The following TMEM132D variants were observed in gnomAD, a reference collection of about 807,000 sequenced individuals.
TMEM132D encodes transmembrane protein 132D, also known as mature OL transmembrane protein.
In TMEM132D, 21 loss-of-function variants were observed where a neutral mutation model predicts 62.3. That is an observed-to-expected ratio of 0.34 (90% CI 0.24 to 0.49). The LOEUF is 0.49. Among genes scored for constraint, TMEM132D ranks in the 20% least tolerant of loss-of-function variants. The pLI, the probability that TMEM132D is intolerant of heterozygous loss-of-function variation, is 0.99. For synonymous variants in TMEM132D, 621 were observed against 575.6 expected (o/e 1.08, Z -1.13); for missense variants, 1,346 against 1,402.8 (o/e 0.96, Z 0.65).
chr12:129,610,709 A>G (rs1234545706), intron 2 of TMEM132D, among the ~76,000 whole-genome samples: 3 of 152,002 alleles, frequency 2.0e-5, no homozygotes, highest in Non-Finnish European at 4.4e-5. Context: ...TCCTTGAATT[A>G]CAAGCAAGTA....
In TMEM132D at chr12:129,269,407, C is replaced by T. The variant is rs549025045; in HGVS notation, c.1300-59744G>A. ...TGCCTTCTCCTTTCCCTTCCCCTTC[C>T]CTTCCTTCTTCCTTCCTTCCATCTC... is the stretch of plus-strand genomic sequence containing the variant. On this transcript the variant is annotated intron_variant, in intron 4 of 8. Transcript: ENST00000422113. Among the ~76,000 whole-genome samples, 4 of 151,534 alleles carry T rather than the reference C, an allele frequency of 2.6e-5. No homozygotes were observed. The South Asian group carries it at 8.3e-4, about 32-fold the overall frequency.
intron 3 of TMEM132D, among the ~76,000 whole-genome samples, chr12:129,424,377 AT>A (rs1397191987): frequency 6.6e-6 from 1 of 151,920 alleles, no homozygotes; most frequent in Non-Finnish European, 1.5e-5. Flanking sequence ...CTTCTCCATG[AT>A]TTTTGCTTAG....
chr12:129,795,145 A>G (rs1871526783), intron 1 of TMEM132D, among the ~76,000 whole-genome samples: 1 of 152,218 alleles, frequency 6.6e-6, no homozygotes, highest in African/African-American at 2.4e-5. Flanking sequence ...ACTTAACATG[A>G]TACTCCATTT....
rs1877221095 is a variant in TMEM132D at position 129,155,732 on chromosome 12, C to A, written c.1443+53788G>T. Reference sequence around the variant, plus strand: ...CTGGATGCATCCTTTTATCAGGAGCCCATTCCCATTATAACCAACCCACTC... The same window carrying A: ...CTGGATGCATCCTTTTATCAGGAGCACATTCCCATTATAACCAACCCACTC... On this transcript the variant is annotated intron_variant, in intron 5 of 8. Coordinates refer to ENST00000422113, the MANE Select transcript of TMEM132D (RefSeq NM_133448.3). Among the ~76,000 whole-genome samples the A allele has an allele frequency of 1.3e-5, 2 of 152,124 alleles. 1 individual carries two copies. The highest frequency in any genetic ancestry group is 2.9e-5 in the Non-Finnish European group (2 of 68,020).
chr12:129,203,862 CATGGACCAGAATACTGAACAA>C (rs1878772896), intron 5 of TMEM132D, among the ~76,000 whole-genome samples: 1 of 152,234 alleles, frequency 6.6e-6, no homozygotes, highest in Non-Finnish European at 1.5e-5. Context: ...GAGGGGGCCT[CATGGACCAGAATACTGAACAA>C]AAGAAATATG....
intron 5 of TMEM132D, among the ~76,000 whole-genome samples, chr12:129,154,169 G>C (rs903603074): frequency 3.3e-5 from 5 of 152,202 alleles, no homozygotes; most frequent in African/African-American, 1.2e-4. Context: ...TCCAGTGAAG[G>C]GGAGTGAATG....
intron 1 of TMEM132D, among the ~76,000 whole-genome samples, chr12:129,730,607 G>A (rs1029423335): frequency 2.0e-5 from 3 of 151,954 alleles, no homozygotes; most frequent in African/African-American, 7.3e-5. Flanking sequence ...AGGATGCAAA[G>A]TATCGTTCCT....
At chr12:129,461,877 G>A (rs538260622) in intron 3 of TMEM132D, among the ~76,000 whole-genome samples, 25 of 152,212 alleles carry the variant, frequency 1.6e-4, no homozygotes, top group Non-Finnish European at 2.6e-4. Context: ...TACCAAATAC[G>A]GATAAGTTCA....
intron 4 of TMEM132D, among the ~76,000 whole-genome samples, chr12:129,300,251 T>C (rs1007309659): frequency 1.3e-5 from 2 of 152,192 alleles, no homozygotes; most frequent in African/African-American, 4.8e-5. Flanking sequence ...AGAGAAGTGA[T>C]TAACCTGCAA....
At chr12:129,238,996 G>GGTTTT (rs374959544) in intron 4 of TMEM132D, among the ~76,000 whole-genome samples, 22,668 of 131,832 alleles carry the variant, frequency 0.17, 1,632 homozygotes, top group Non-Finnish European at 0.19. Flanking sequence ...GTTATTTTCT[G>GGTTTT]TTTTTTTTTT....
chr12:129,749,028 C>G (rs1869911950), intron 1 of TMEM132D, among the ~76,000 whole-genome samples: 1 of 152,202 alleles, frequency 6.6e-6, no homozygotes, highest in Non-Finnish European at 1.5e-5. Flanking sequence ...AGTGATCACA[C>G]AGGAGAGATC....
At chr12:129,593,303 G>A (rs1878245517) in intron 2 of TMEM132D, among the ~76,000 whole-genome samples, 1 of 152,080 alleles carries the variant, frequency 6.6e-6, no homozygotes. Flanking sequence ...ATGGCATCCT[G>A]GCAAAACTAT....
At position 129,867,558 on chromosome 12, in the gene TMEM132D, T is replaced by C. The variant is rs939951832; in HGVS notation, c.79+35703A>G. Among the ~76,000 whole-genome samples the C allele has an allele frequency of 2.6e-5, 4 of 152,206 alleles. No individual in the cohort carries two copies. The highest frequency in any genetic ancestry group is 9.7e-5 in the African/African-American group (4 of 41,444). The stretch of plus-strand genomic sequence containing the variant: ...AAGGACTAAAATTAATAATTCTGTA[T>C]AGTGTCCTTGAAATGTACTGAGAGG... On this transcript the variant is annotated intron_variant, in intron 1 of 8. Coordinates refer to ENST00000422113, the MANE Select transcript of TMEM132D (RefSeq NM_133448.3). This position sits in a 1 kb window ranked among gnomAD's most constrained non-coding sequence, Gnocchi z 4.5.
In TMEM132D at chr12:129,300,547, G is replaced by T. The variant is rs1881688943; in HGVS notation, c.1299+37087C>A. 4.6e-5 allele frequency among the ~76,000 whole-genome samples: 7 copies of T among 152,124 alleles called. No homozygotes were observed. In the South Asian group the frequency reaches 1.5e-3, roughly 32 times the overall value. On this transcript the variant is annotated intron_variant, in intron 4 of 8. Transcript: ENST00000422113. ...AAATTACTATTTTTCGTTTTGGGAG[G>T]GTAGCAGTATAAAACGGTGTGTTGG...
intron 4 of TMEM132D, among the ~76,000 whole-genome samples, chr12:129,233,502 A>G (rs149247491): frequency 6.6e-6 from 1 of 152,328 alleles, no homozygotes; most frequent in African/African-American, 2.4e-5. Flanking sequence ...ATAAAAAAAC[A>G]TGCTCCCTCG....
At chr12:129,782,245 G>A (rs534406376) in intron 1 of TMEM132D, among the ~76,000 whole-genome samples, 22 of 152,254 alleles carry the variant, frequency 1.4e-4, no homozygotes, top group Middle Eastern at 3.4e-3. Context: ...TGAGCACCAC[G>A]TCGGCACTCA....
intron 2 of TMEM132D, among the ~76,000 whole-genome samples, chr12:129,605,669 A>G (rs1878606467): frequency 6.7e-6 from 1 of 150,298 alleles, no homozygotes. Flanking sequence ...ACATATATAT[A>G]TATATATTTG....
chr12:129,465,864 G>C (rs933735018), intron 3 of TMEM132D, among the ~76,000 whole-genome samples: 2 of 152,220 alleles, frequency 1.3e-5, no homozygotes, highest in South Asian at 4.1e-4. Context: ...TGTATTTTTA[G>C]TAGAGATGGG....
chr12:129,392,339 T>C (rs1871310255), intron 3 of TMEM132D, among the ~76,000 whole-genome samples: 1 of 152,174 alleles, frequency 6.6e-6, no homozygotes, highest in African/African-American at 2.4e-5. Flanking sequence ...ATTACAGGCA[T>C]GAGCCACCGC....
Sources: gnomAD v4.1 joint callset for allele counts (sites outside exome capture counted in the v4.1 genomes callset) on GRCh38, gnomAD v4.1.1 for gene constraint, Gnocchi (gnomAD v3.1) non-coding constraint, MANE v1.5 for transcripts, NCBI Gene and HGNC (gene_info 2026-07-23, HGNC 2026-07-21) for gene names.